The following IL6ST variants were observed in gnomAD, a reference collection of about 807,000 sequenced individuals.
The protein encoded by IL6ST is interleukin-6 receptor subunit beta.
Under a neutral mutation model 91.3 loss-of-function variants are expected in IL6ST, and 24 were observed. The ratio of observed to expected loss-of-function variants is 0.26; its 90% CI spans 0.19 to 0.37. The LOEUF (loss-of-function observed/expected upper bound fraction) is 0.37, where lower values mean the gene tolerates loss of function less well. IL6ST is among the 10% of genes least tolerant of loss of function. The probability of loss-of-function intolerance (pLI) is 1.00; values close to 1 mark genes in which losing one functional copy is unlikely to be tolerated. For synonymous variants in IL6ST, 351 were observed against 373.6 expected (o/e 0.94, Z 0.70); for missense variants, 914 against 1,078.5 (o/e 0.85, Z 2.14).
chr5:55,958,771 A>G (rs1212652276), intron 8 of IL6ST, among the ~76,000 whole-genome samples: 2 of 150,766 alleles, frequency 1.3e-5, no homozygotes, highest in African/African-American at 4.9e-5. Context: ...CCTTGGAGGT[A>G]GAGGCTGCAG....
intron 5 of IL6ST, among the ~76,000 whole-genome samples, chr5:55,964,552 A>T (rs186540165): frequency 0.01 from 1,531 of 152,306 alleles, 13 homozygotes; most frequent in Non-Finnish European, 0.016. Flanking sequence ...GTGCTTTAAA[A>T]TTTTATGCTC....
Position 55,936,219 on chromosome 5 carries a change from C to A in IL6ST, c.*4863G>T. 1 of 222,966 alleles carries A rather than the reference C, an allele frequency of 4.5e-6. No individual in the cohort carries two copies. Among genetic ancestry groups the A allele is most frequent in the Non-Finnish European group, 9.0e-6 (1 of 111,692 alleles). The allele number at this position is 222,966 out of a possible 1,614,324, so 13.8% of individuals were successfully genotyped here. A position where few individuals can be genotyped will look rare whatever the true frequency, so the allele number is the denominator to read the frequency against. On this transcript the variant is annotated 3_prime_UTR_variant, in exon 17 of 17. Transcript: ENST00000381298. ...GAAGTAGCAGGAGGATGCCATGTATCAATCTTGAACTTCAAGTCTCACTGC... is the reference window on the plus strand; with the variant it reads ...GAAGTAGCAGGAGGATGCCATGTATAAATCTTGAACTTCAAGTCTCACTGC...
At position 55,994,477 on chromosome 5, in the gene IL6ST, G is replaced by A. The variant is rs16876947; in HGVS notation, c.-104+307C>T. Among the ~76,000 whole-genome samples, 851 of 152,244 alleles carry A rather than the reference G, an allele frequency of 5.6e-3. 12 individuals carry two copies. The highest frequency in any genetic ancestry group is 0.02 in the African/African-American group (814 of 41,544). ...GGGATTGGGAAAAACGTGGGATCTG[G>A]TAACAAAAAGGGGGGTTTGTTCTTG... On this transcript the variant is annotated intron_variant, in intron 1 of 16. Coordinates refer to ENST00000381298, the MANE Select transcript of IL6ST (RefSeq NM_002184.4).
chr5:55,942,433 A>G (rs1331266566), intron 16 of IL6ST, among the ~76,000 whole-genome samples: 1 of 152,230 alleles, frequency 6.6e-6, no homozygotes, highest in African/African-American at 2.4e-5. Flanking sequence ...AATTTAAAAT[A>G]TCAGAACAAA....
chr5:55,972,932 G>C (rs528412611), intron 3 of IL6ST, among the ~76,000 whole-genome samples: 2 of 151,868 alleles, frequency 1.3e-5, no homozygotes, highest in South Asian at 4.2e-4. Context: ...TTGAACCTGG[G>C]GGGCAGAGGT....
rs1750697879 is a variant in IL6ST, at chr5:55,938,873, A to G, written c.*2209T>C. 1 of 202,766 alleles carries G rather than the reference A, an allele frequency of 4.9e-6. No homozygotes were observed. The allele number at this position is 202,766 out of a possible 1,614,324, so 12.6% of individuals were successfully genotyped here. ...TCATATATCCATTTAATATGTATAA[A>G]GTGTTCTTGGGGATGGGGGTATATT... On this transcript the variant is annotated 3_prime_UTR_variant, in exon 17 of 17. Coordinates refer to ENST00000381298, the MANE Select transcript of IL6ST (RefSeq NM_002184.4).
chr5:55,978,263 G>C (rs968657592), intron 2 of IL6ST: 1 of 152,184 alleles, frequency 6.6e-6, no homozygotes, highest in African/African-American at 2.4e-5. Flanking sequence ...ACCTGAACAG[G>C]CTGCTTCACA....
In IL6ST at chr5:55,964,274, T is replaced by C; in HGVS notation, c.530A>G (p.Asp177Gly). Residue 177 changes from aspartate to glycine, a missense_variant, in exon 6 of 17, where the codon GAC (aspartate) becomes GGC (glycine). Asp to Gly is a moderately conservative substitution (Grantham distance 94). Coordinates refer to ENST00000381298, the MANE Select transcript of IL6ST (RefSeq NM_002184.4). The stretch of plus-strand genomic sequence containing the variant: ...ATCAACAGTGCATGAGGTGGGGGTG[T>C]CACGTTTTGCTTTGCAATCAGCAAA... ...HKFADCKAKR[D>G]TPTSCTVDYS... The C allele has an allele frequency of 1.2e-6, 2 of 1,612,080 alleles. No individual in the cohort carries two copies. Among genetic ancestry groups the C allele is most frequent in the Non-Finnish European group, 8.5e-7 (1 of 1,178,954 alleles).
At chr5:55,982,282 A>G (rs567214281) in intron 2 of IL6ST, among the ~76,000 whole-genome samples, 1 of 152,298 alleles carries the variant, frequency 6.6e-6, no homozygotes, top group Admixed American at 6.5e-5. Context: ...AAGAATGTCA[A>G]TATAAACTTT....
intron 2 of IL6ST, among the ~76,000 whole-genome samples, chr5:55,981,954 G>A (rs991949615): frequency 4.6e-5 from 7 of 152,188 alleles, no homozygotes; most frequent in Admixed American, 2.6e-4. Context: ...ATGGTAGTGT[G>A]CCGAAAGGAG....
At position 55,937,213 on chromosome 5, in the gene IL6ST, C is replaced by T. The variant is rs920916385; in HGVS notation, c.*3869G>A. ...TCGGCCTTAAATGCATCTCATCACA[C>T]GACCCATCAACTTTAATGAAATGGG... On this transcript the variant is annotated 3_prime_UTR_variant, in exon 17 of 17. Coordinates refer to ENST00000381298, the MANE Select transcript of IL6ST (RefSeq NM_002184.4). The T allele has an allele frequency of 7.5e-5, 16 of 214,462 alleles. No homozygotes were observed. The highest frequency in any genetic ancestry group is 2.9e-4 in the African/African-American group (13 of 44,268). 13.3% of individuals were successfully genotyped at this position (214,462 alleles called of 1,614,324 possible). A position where few individuals can be genotyped will look rare whatever the true frequency, so the allele number is the denominator to read the frequency against.
At chr5:55,949,584 T>C (rs1751485622) in intron 14 of IL6ST, among the ~76,000 whole-genome samples, 1 of 152,176 alleles carries the variant, frequency 6.6e-6, no homozygotes, top group Non-Finnish European at 1.5e-5. Context: ...CAGAAATACA[T>C]AAAATATACA....
intron 8 of IL6ST, among the ~76,000 whole-genome samples, chr5:55,958,506 T>G (rs941527993): frequency 1.3e-5 from 2 of 152,034 alleles, no homozygotes; most frequent in African/African-American, 2.4e-5. Flanking sequence ...AATAACAAGA[T>G]ATGGTAGTCA....
intron 8 of IL6ST, chr5:55,959,602 G>GA: frequency 2.4e-6 from 3 of 1,235,704 alleles, no homozygotes; most frequent in Non-Finnish European, 2.1e-6. Flanking sequence ...ATCTATAGGA[G>GA]AAAAAAGGAA....
chr5:55,963,723 A>C (rs1326214517), intron 6 of IL6ST, among the ~76,000 whole-genome samples: 1 of 152,150 alleles, frequency 6.6e-6, no homozygotes, highest in African/African-American at 2.4e-5. Flanking sequence ...TACATTTGTT[A>C]ATCTCTTCAG....
intron 2 of IL6ST, among the ~76,000 whole-genome samples, chr5:55,981,819 T>C (rs578107815): frequency 5.0e-4 from 76 of 152,312 alleles, no homozygotes; most frequent in South Asian, 1.0e-3. Flanking sequence ...CTAACCTTCC[T>C]TGAAATTTGC....
chr5:55,950,300 G>T (rs1580797417), intron 14 of IL6ST: 1 of 417,918 alleles, frequency 2.4e-6, no homozygotes, highest in Non-Finnish European at 4.8e-6. Context: ...ACTTTGGGAG[G>T]CCGAGGCAGG....
At chr5:55,967,121 C>A (rs1466980304) in intron 5 of IL6ST, among the ~76,000 whole-genome samples, 2 of 151,424 alleles carry the variant, frequency 1.3e-5, no homozygotes, top group African/African-American at 4.9e-5. Context: ...ACCAGCCTGA[C>A]CAACATGGTG....
intron 14 of IL6ST, among the ~76,000 whole-genome samples, chr5:55,949,226 G>A (rs1026045688): frequency 5.9e-5 from 9 of 151,926 alleles, no homozygotes; most frequent in South Asian, 2.1e-4. Flanking sequence ...CCTGTAATCC[G>A]GCACTCTGGG....
Sources: allele counts gnomAD v4.1 joint callset (sites outside exome capture counted in the v4.1 genomes callset), GRCh38; gene constraint gnomAD v4.1.1; transcripts MANE v1.5; gene names NCBI Gene and HGNC (gene_info 2026-07-23, HGNC 2026-07-21).